Variants in DCAF12 observed in about 807,000 individuals in gnomAD.
The protein encoded by DCAF12 is DDB1- and CUL4-associated factor 12.
Under a neutral mutation model 52.8 loss-of-function variants are expected in DCAF12, and 28 were observed. That is an observed-to-expected ratio of 0.53 (90% CI 0.39 to 0.73). The LOEUF is 0.73. Ranked by LOEUF, DCAF12 falls within the 30% of genes least tolerant of loss-of-function variation. The probability of loss-of-function intolerance (pLI) is 0.00; values close to 1 mark genes in which losing one functional copy is unlikely to be tolerated. For synonymous variants in DCAF12, 196 were observed against 215.5 expected, an observed-to-expected ratio of 0.91 and a Z score of 0.79; for missense variants, 425 against 552.2, an observed-to-expected ratio of 0.77 and a Z score of 2.31.
chr9:34,093,941 A>G (rs993058004), intron 6 of DCAF12, among the ~76,000 whole-genome samples: 1 of 152,210 alleles, frequency 6.6e-6, no homozygotes, highest in African/African-American at 2.4e-5. Context: ...AATCCCAGAT[A>G]ACCCACATCA....
intron 7 of DCAF12, among the ~76,000 whole-genome samples, chr9:34,091,262 G>A (rs1285327561): frequency 6.6e-6 from 1 of 151,922 alleles, no homozygotes; most frequent in East Asian, 1.9e-4. Context: ...GGGAGGCAGA[G>A]GGTGCAGTGA....
chr9:34,097,894 T>C (rs945541845), intron 5 of DCAF12, among the ~76,000 whole-genome samples: 7 of 150,380 alleles, frequency 4.7e-5, no homozygotes, highest in Non-Finnish European at 7.4e-5. Flanking sequence ...GATCGTGCCA[T>C]TGCACTCCTG....
intron 6 of DCAF12, 122 bp downstream of exon 6, chr9:34,096,594 A>T: frequency 1.1e-6 from 1 of 919,568 alleles, no homozygotes; most frequent in Non-Finnish European, 1.6e-6. Flanking sequence ...TCAGAGCGAG[A>T]CTCTGCCTCA....
intron 8 of DCAF12, among the ~76,000 whole-genome samples, chr9:34,088,750 A>C (rs1828599068): frequency 6.6e-6 from 1 of 152,118 alleles, no homozygotes; most frequent in Non-Finnish European, 1.5e-5. Flanking sequence ...TTCTCAGGAG[A>C]CTTAGAACCA....
At chr9:34,118,973 A>AAAT (rs143135409) in intron 2 of DCAF12, among the ~76,000 whole-genome samples, 25 of 152,082 alleles carry the variant, frequency 1.6e-4, no homozygotes, top group African/African-American at 4.3e-4. Flanking sequence ...TCAAAAAAGA[A>AAAT]AATAATAATA....
chr9:34,092,972 A>T (rs370075311), intron 7 of DCAF12, among the ~76,000 whole-genome samples: 2 of 152,074 alleles, frequency 1.3e-5, no homozygotes, highest in Non-Finnish European at 2.9e-5. Flanking sequence ...CAGCCTCCTG[A>T]GCAGCTGGGA....
chr9:34,102,673 A>AACAACG (rs1215488081), intron 4 of DCAF12, among the ~76,000 whole-genome samples: 1 of 151,730 alleles, frequency 6.6e-6, no homozygotes, highest in Admixed American at 6.6e-5. Flanking sequence ...AACAAACAAC[A>AACAACG]ACAAAAAACA....
rs1828894766 is a variant in DCAF12, at chr9:34,105,754, C to G, written c.601+680G>C. On this transcript the variant is annotated intron_variant, in intron 4 of 8. Transcript: ENST00000361264. ...CTATCTATCTTATCTATCTATCCAT[C>G]CTTTTTTTTTTTTTGAGATGGAGTC... is the stretch of plus-strand genomic sequence containing the variant. Among the ~76,000 whole-genome samples the G allele has an allele frequency of 2.3e-5, 3 of 130,318 alleles. No homozygotes were observed. The South Asian group carries it at 7.6e-4, about 33-fold the overall frequency. The allele number at this position is 130,318 out of a possible 152,430, so 85.5% of individuals were successfully genotyped here.
chr9:34,108,792 T>TAAAAA (rs1828946200), intron 2 of DCAF12, among the ~76,000 whole-genome samples: 1 of 96,458 alleles, frequency 1.0e-5, no homozygotes. Flanking sequence ...AGACTTGGTC[T>TAAAAA]CAAAAAAAAT....
chr9:34,099,914 C>A (rs1418674645), intron 4 of DCAF12, among the ~76,000 whole-genome samples: 1 of 152,094 alleles, frequency 6.6e-6, no homozygotes, highest in Non-Finnish European at 1.5e-5. Context: ...TTTTCTATGC[C>A]AAATGTTTAG....
intron 7 of DCAF12, among the ~76,000 whole-genome samples, chr9:34,091,322 TC>T (rs1256165343): frequency 6.6e-6 from 1 of 151,678 alleles, no homozygotes; most frequent in East Asian, 1.9e-4. Context: ...GCAAGACTCA[TC>T]TCAACAACAA....
chr9:34,125,668 C>A (rs1193519702), intron 1 of DCAF12: 2 of 461,080 alleles, frequency 4.3e-6, no homozygotes, highest in Admixed American at 2.4e-5. Context: ...CACTGGAGCA[C>A]GGAAGATACA....
chr9:34,098,264 G>A, intron 5 of DCAF12, 60 bp downstream of exon 5: 5 of 1,538,090 alleles, frequency 3.3e-6, no homozygotes, highest in Non-Finnish European at 3.5e-6. Flanking sequence ...AAAAAGGAGT[G>A]CATATCCCAA....
intron 2 of DCAF12, among the ~76,000 whole-genome samples, chr9:34,108,808 A>AAAT (rs1378571589): frequency 7.3e-4 from 84 of 115,356 alleles, no homozygotes; most frequent in Middle Eastern, 9.6e-3. Flanking sequence ...AAAATAAATA[A>AAAT]ATAAATATAT....
In DCAF12 at chr9:34,126,486, T is replaced by C. The variant is rs1314771766; in HGVS notation, c.-55A>G. The C allele has an allele frequency of 1.2e-5, 19 of 1,572,972 alleles. No homozygotes were observed. The highest frequency in any genetic ancestry group is 3.4e-5 in the South Asian group (3 of 88,024). The stretch of plus-strand genomic sequence containing the variant: ...CACATGGGGCGGGGGAAGCGAAGGA[T>C]AGCAGGACGGCGGGTCATATACTGG... On this transcript the variant is annotated 5_prime_UTR_variant, in exon 1 of 9. Transcript: ENST00000361264.
intron 4 of DCAF12, among the ~76,000 whole-genome samples, chr9:34,106,013 G>C (rs1270811797): frequency 1.3e-5 from 2 of 151,986 alleles, no homozygotes; most frequent in Non-Finnish European, 2.9e-5. Context: ...CTCCCAAAGT[G>C]CTGGGATTAC....
At chr9:34,120,984 T>C (rs941984394) in intron 2 of DCAF12, among the ~76,000 whole-genome samples, 2 of 152,040 alleles carry the variant, frequency 1.3e-5, no homozygotes, top group African/African-American at 4.8e-5. Flanking sequence ...TGAAACCCTG[T>C]CTCTACTAAA....
In DCAF12 at chr9:34,095,999, C is replaced by T. The variant is rs550212341; in HGVS notation, c.861+717G>A. The T allele has an allele frequency of 2.0e-5, 3 of 152,194 alleles. No individual in the cohort carries two copies. The East Asian group carries it at 5.8e-4, about 29-fold the overall frequency. The allele number at this position is 152,194 out of a possible 1,614,324, so 9.4% of individuals were successfully genotyped here. On this transcript the variant is annotated intron_variant, in intron 6 of 8. Transcript: ENST00000361264. ...AGACTTTCCTGCAAGAGAGGCACAC[C>T]AGACTCAAAATTTCATGTACTGTGC...
At chr9:34,119,394 A>G (rs1470616639) in intron 2 of DCAF12, among the ~76,000 whole-genome samples, 2 of 152,184 alleles carry the variant, frequency 1.3e-5, no homozygotes, top group Non-Finnish European at 2.9e-5. Context: ...GTCTTCAACC[A>G]CATATATATT....
Sources: allele counts gnomAD v4.1 joint callset (sites outside exome capture counted in the v4.1 genomes callset), GRCh38; gene constraint gnomAD v4.1.1; transcripts MANE v1.5; gene names NCBI Gene and HGNC (gene_info 2026-07-23, HGNC 2026-07-21).